TUBGCP4: variants seen among roughly 807,000 people sequenced by gnomAD.
TUBGCP4 encodes the protein tubulin gamma complex component 4, also known as gamma-tubulin complex component 4.
TUBGCP4 carries 54 observed loss-of-function variants against 91.6 expected under a neutral mutation model. The ratio of observed to expected loss-of-function variants is 0.59; its 90% CI spans 0.47 to 0.74. The LOEUF (loss-of-function observed/expected upper bound fraction) is 0.74. Ranked by LOEUF, TUBGCP4 falls within the 30% of genes least tolerant of loss-of-function variation. TUBGCP4 has a pLI of 0.00. For synonymous variants in TUBGCP4, 297 were observed against 302.8 expected (o/e 0.98, Z 0.20); for missense variants, 593 against 800.9 (o/e 0.74, Z 3.13).
At chr15:43,403,418 A>G (rs993726836) in intron 15 of TUBGCP4, 34 of 314,242 alleles carry the variant, frequency 1.1e-4, no homozygotes, top group Middle Eastern at 9.0e-4. Context: ...GGTCTAAGAA[A>G]TGAAGAGTTA....
chr15:43,371,265 T>G lies in TUBGCP4; in HGVS notation c.-90T>G, dbSNP rs2142746829. 29 of 1,276,366 alleles carry G rather than the reference T, an allele frequency of 2.3e-5. No homozygotes were observed. Among genetic ancestry groups the G allele is most frequent in the Non-Finnish European group, 2.7e-5 (24 of 897,154 alleles). 79.1% of individuals were successfully genotyped at this position (1,276,366 alleles called of 1,614,324 possible). ...CGCCCGACCCAGGGGCCGGTGCGCG[T>G]GTGGAAGGGGAAGCACTCCCCTCGT... On this transcript the variant is annotated 5_prime_UTR_variant, in exon 1 of 18. Transcript: ENST00000564079.
chr15:43,399,958 G>A, intron 13 of TUBGCP4, 86 bp from the exon 14 acceptor site: 1 of 981,122 alleles, frequency 1.0e-6, no homozygotes, highest in Non-Finnish European at 1.5e-6. Context: ...AGAGGAGTGG[G>A]TGGCACAAAG....
At chr15:43,392,345 A>T (rs1297548751) in intron 9 of TUBGCP4, among the ~76,000 whole-genome samples, 1 of 131,318 alleles carries the variant, frequency 7.6e-6, no homozygotes, top group Non-Finnish European at 1.5e-5. Context: ...TATAATTCTA[A>T]TTAATTTTGT....
chr15:43,380,693 A>G (rs1049589544), intron 6 of TUBGCP4, among the ~76,000 whole-genome samples: 1 of 152,230 alleles, frequency 6.6e-6, no homozygotes, highest in Non-Finnish European at 1.5e-5. Context: ...AATTTAAATG[A>G]TGATATATTC....
intron 9 of TUBGCP4, chr15:43,391,672 G>A (rs1234827974): frequency 2.6e-5 from 4 of 152,184 alleles, no homozygotes. Context: ...TGAAACTTCT[G>A]CCCCAGCCTC....
chr15:43,402,559 G>C (rs2142888024), intron 15 of TUBGCP4: 1 of 152,320 alleles, frequency 6.6e-6, no homozygotes, highest in Non-Finnish European at 1.5e-5. Flanking sequence ...AACTAGAGTA[G>C]TGTTTCTCTC....
At chr15:43,394,943 CA>C in intron 9 of TUBGCP4, 163 bp from the exon 10 acceptor site, 2 of 708,888 alleles carry the variant, frequency 2.8e-6, no homozygotes, top group Non-Finnish European at 5.0e-6. Flanking sequence ...TTCTTTACAG[CA>C]GTGTGAGAAT....
rs1198648118 is a variant in TUBGCP4, at chr15:43,408,835, C to T, written c.*3621C>T. 6.5e-7 allele frequency: 1 copy of T among 1,532,060 alleles called. No homozygotes were observed. Among genetic ancestry groups the T allele is most frequent in the African/African-American group, 1.4e-5 (1 of 73,190 alleles). 94.9% of individuals were successfully genotyped at this position (1,532,060 alleles called of 1,614,324 possible). On this transcript the variant is annotated 3_prime_UTR_variant, in exon 18 of 18. Coordinates refer to ENST00000564079, the MANE Select transcript of TUBGCP4 (RefSeq NM_014444.5). ...AGCTTTACTCTCTCACCTAGATTCT[C>T]TTCCCTCCAAAGCTTGCTGTCCTCC...
rs181651641 is a variant in TUBGCP4 at position 43,404,072 on chromosome 15, C to T, written c.1848+273C>T. On this transcript the variant is annotated intron_variant, in intron 16 of 17. Transcript: ENST00000564079. ...TGTTCTAACTTCCTCACATCCTCCC[C>T]CCTCCTTACTTCCTTGAACTAACCC... 6 of 523,844 alleles carry T rather than the reference C, an allele frequency of 1.1e-5. No individual in the cohort carries two copies. The East Asian group carries it at 1.9e-4, about 16-fold the overall frequency. The allele number at this position is 523,844 out of a possible 1,614,324, so 32.4% of individuals were successfully genotyped here.
Position 43,395,624 on chromosome 15 carries a change from T to G in TUBGCP4, c.1107T>G (p.Phe369Leu). Residue 369 changes from phenylalanine (F) to leucine (L), a missense_variant, in exon 11 of 18, where the codon TTT becomes TTG. By Grantham distance (22) the Phe-to-Leu change is conservative. Transcript: ENST00000564079. ...ACCTTCTGGGACGTGGAGAACTGTTTCAGGCCTTCATTGACACAGCTCAAC... is the reference window on the plus strand; with the variant it reads ...ACCTTCTGGGACGTGGAGAACTGTTGCAGGCCTTCATTGACACAGCTCAAC... ...DFYLLGRGEL[F>L]QAFIDTAQHM... 6.2e-7 allele frequency: 1 copy of G among 1,614,174 alleles called. No individual in the cohort carries two copies. The highest frequency in any genetic ancestry group is 8.5e-7 in the Non-Finnish European group (1 of 1,180,000).
At chr15:43,392,481 TTTTG>T (rs888264087) in intron 9 of TUBGCP4, among the ~76,000 whole-genome samples, 17 of 152,090 alleles carry the variant, frequency 1.1e-4, no homozygotes, top group East Asian at 1.9e-4. Flanking sequence ...CAGGTCTGGT[TTTTG>T]TTTGTTTGTT....
At chr15:43,393,809 G>T (rs1048137611) in intron 9 of TUBGCP4, among the ~76,000 whole-genome samples, 1 of 152,096 alleles carries the variant, frequency 6.6e-6, no homozygotes, top group African/African-American at 2.4e-5. Context: ...GTATTCCATG[G>T]TGTATATGTG....
At chr15:43,383,627 G>T in intron 7 of TUBGCP4, 123 bp downstream of exon 7, 1 of 738,238 alleles carries the variant, frequency 1.4e-6, no homozygotes, top group East Asian at 2.9e-5. Flanking sequence ...TCCTTTCGAT[G>T]TAAACATTCG....
chr15:43,385,521 G>T (rs887198628), intron 7 of TUBGCP4: 11 of 506,216 alleles, frequency 2.2e-5, no homozygotes, highest in African/African-American at 2.1e-4. Context: ...AAGGAAGCTG[G>T]TCGACTGTGC....
chr15:43,397,197 C>A lies in TUBGCP4; in HGVS notation c.1172-17C>A. 1 of 1,601,642 alleles carries A rather than the reference C, an allele frequency of 6.2e-7. No individual in the cohort carries two copies. The highest frequency in any genetic ancestry group is 8.6e-7 in the Non-Finnish European group (1 of 1,168,612). ...GTAGCCAAGCGTCCCTGTCAGCCTG[C>A]GTGTTCTTTCTTGCAGATGTGAATG... On this transcript the variant is annotated splice_polypyrimidine_tract_variant and intron_variant, in intron 11 of 17. Coordinates refer to ENST00000564079, the MANE Select transcript of TUBGCP4 (RefSeq NM_014444.5).
rs550982409 is a variant in TUBGCP4, at chr15:43,372,137, T to C, written c.78+705T>C. ...TACTTTTACCTGCTTCTGCTTCCAGTAATGTTATCTAATGCTCTCAATAAT... is the reference window on the plus strand; with the variant it reads ...TACTTTTACCTGCTTCTGCTTCCAGCAATGTTATCTAATGCTCTCAATAAT... On this transcript the variant is annotated intron_variant, in intron 1 of 17. Transcript: ENST00000564079. Among the ~76,000 whole-genome samples, 3 of 152,328 alleles carry C rather than the reference T, an allele frequency of 2.0e-5. No individual in the cohort carries two copies. In the South Asian group the frequency reaches 6.2e-4, roughly 32 times the overall value.
intron 7 of TUBGCP4, chr15:43,385,546 T>C (rs1046792393): frequency 3.8e-6 from 2 of 523,730 alleles, no homozygotes; most frequent in Non-Finnish European, 6.9e-6. Flanking sequence ...TTTTACTCAG[T>C]AGTAAAGGCA....
chr15:43,393,806 A>G lies in TUBGCP4; in HGVS notation c.1015-1301A>G, dbSNP rs932435228. Among the ~76,000 whole-genome samples the G allele has an allele frequency of 1.1e-4, 17 of 152,186 alleles. No homozygotes were observed. The East Asian group carries it at 1.9e-3, about 17-fold the overall frequency. On this transcript the variant is annotated intron_variant, in intron 9 of 17. Coordinates refer to ENST00000564079, the MANE Select transcript of TUBGCP4 (RefSeq NM_014444.5). ...ATTTTTTATGGCTGCATAGTATTCC[A>G]TGGTGTATATGTGCCACATTTACGA...
intron 13 of TUBGCP4, among the ~76,000 whole-genome samples, chr15:43,399,560 G>A (rs2044633442): frequency 6.6e-6 from 1 of 152,112 alleles, no homozygotes; most frequent in East Asian, 1.9e-4. Flanking sequence ...TGCTCAGGCT[G>A]GTCTTGAACC....
Sources: allele counts gnomAD v4.1 joint callset (sites outside exome capture counted in the v4.1 genomes callset), GRCh38; gene constraint gnomAD v4.1.1; transcripts MANE v1.5; gene names NCBI Gene and HGNC (gene_info 2026-07-23, HGNC 2026-07-21).